The following NDUFA12 variants were observed in gnomAD, a reference collection of about 807,000 sequenced individuals.
The protein encoded by NDUFA12 is NADH dehydrogenase [ubiquinone] 1 alpha subcomplex subunit 12.
NDUFA12 carries 17 observed loss-of-function variants against 20.3 expected under a neutral mutation model. The ratio of observed to expected loss-of-function variants is 0.84; its 90% CI spans 0.57 to 1.26. The LOEUF is 1.26. Ranked by LOEUF, NDUFA12 falls within the 50% of genes most tolerant of loss-of-function variation. The pLI, the probability that NDUFA12 is intolerant of heterozygous loss-of-function variation, is 0.00. For missense variants in NDUFA12, 191 were observed against 183.7 expected (o/e 1.04, Z -0.23); for synonymous variants, 72 against 63.6 (o/e 1.13, Z -0.63).
At chr12:94,991,279 T>C (rs976977541) in intron 3 of NDUFA12, among the ~76,000 whole-genome samples, 3 of 151,508 alleles carry the variant, frequency 2.0e-5, no homozygotes, top group South Asian at 2.1e-4. Flanking sequence ...CTCAAAATAA[T>C]AATAATATTA....
rs1592708495 is a variant in NDUFA12, at chr12:95,003,527, C to G, written c.86+68G>C. ...TCTCCAAGGTGACCCGAGCCTGGGA[C>G]CCCTTCCAAGAAATCAGCCAGCGAA... On this transcript the variant is annotated intron_variant, in intron 1 of 3. Transcript: ENST00000327772. 3.0e-5 allele frequency: 45 copies of G among 1,512,488 alleles called. No individual in the cohort carries two copies. In the East Asian group the frequency reaches 1.0e-3, roughly 34 times the overall value. 93.7% of individuals were successfully genotyped at this position (1,512,488 alleles called of 1,614,324 possible). A position where few individuals can be genotyped will look rare whatever the true frequency, so the allele number is the denominator to read the frequency against.
intron 3 of NDUFA12, among the ~76,000 whole-genome samples, chr12:94,982,106 A>G (rs1242467906): frequency 6.6e-6 from 1 of 152,178 alleles, no homozygotes; most frequent in East Asian, 1.9e-4. Context: ...GAACAGACTC[A>G]TAAGACTATC....
chr12:94,982,457 A>C (rs1874276436), intron 3 of NDUFA12, among the ~76,000 whole-genome samples: 2 of 151,410 alleles, frequency 1.3e-5, no homozygotes, highest in South Asian at 2.1e-4. Context: ...TTTGTAGTTT[A>C]AGTGGAGACG....
At chr12:95,001,949 C>G (rs906145629) in intron 2 of NDUFA12, among the ~76,000 whole-genome samples, 1 of 151,910 alleles carries the variant, frequency 6.6e-6, no homozygotes, top group African/African-American at 2.4e-5. Context: ...GTGATCCGCC[C>G]GCCTCCGCCT....
At position 95,003,614 on chromosome 12, in the gene NDUFA12, A is replaced by T. The variant is rs759415380; in HGVS notation, c.67T>A (p.Tyr23Asn). 1 of 1,614,178 alleles carries T rather than the reference A, an allele frequency of 6.2e-7. No homozygotes were observed. The highest frequency in any genetic ancestry group is 8.5e-7 in the Non-Finnish European group (1 of 1,180,034). Residue 23 changes from tyrosine (Y) to asparagine (N), a missense_variant, in exon 1 of 4, where the codon TAT becomes AAT. By Grantham distance (143) the Tyr-to-Asn change is moderately radical. Coordinates refer to ENST00000327772, the MANE Select transcript of NDUFA12 (RefSeq NM_018838.5). ...QITGHGGLRG[Y>N]LRVFFRTNDA... ...GCCTACCTGAAAAAAACCCGTAGAT[A>T]GCCTCGGAGACCGCCGTGGCCGGTG...
Position 94,994,101 on chromosome 12 carries a change from G to A in NDUFA12, c.257+69C>T, listed in dbSNP as rs1592704750. ...ATCATGTCACTGCACTCCAGCCTGG[G>A]TGACAGAGTGAGACCCTGTCTCAAA... is the stretch of plus-strand genomic sequence containing the variant. On this transcript the variant is annotated intron_variant, in intron 3 of 3. Transcript: ENST00000327772. The A allele has an allele frequency of 2.9e-6, 4 of 1,397,318 alleles. No homozygotes were observed. In the East Asian group the frequency reaches 9.3e-5, roughly 32 times the overall value. The allele number at this position is 1,397,318 out of a possible 1,614,324, so 86.6% of individuals were successfully genotyped here. A position where few individuals can be genotyped will look rare whatever the true frequency, so the allele number is the denominator to read the frequency against.
At position 94,979,566 on chromosome 12, in the gene NDUFA12, T is replaced by C. The variant is rs1592699081; in HGVS notation, c.258-7946A>G. 2.0e-5 allele frequency among the ~76,000 whole-genome samples: 3 copies of C among 151,940 alleles called. No homozygotes were observed. In the East Asian group the frequency reaches 5.8e-4, roughly 30 times the overall value. ...TAAAAAGGGACGGGGTGAGGTGGCTTACACCTGTAATCCCAGCACTTTGGA... is the reference window on the plus strand; with the variant it reads ...TAAAAAGGGACGGGGTGAGGTGGCTCACACCTGTAATCCCAGCACTTTGGA... On this transcript the variant is annotated intron_variant, in intron 3 of 3. Transcript: ENST00000327772.
At chr12:94,997,601 T>C (rs954808497) in intron 2 of NDUFA12, among the ~76,000 whole-genome samples, 2 of 152,072 alleles carry the variant, frequency 1.3e-5, no homozygotes, top group African/African-American at 4.8e-5. Context: ...AAGGTACAGG[T>C]TGGGTATCTC....
At chr12:94,986,041 C>T (rs546843633) in intron 3 of NDUFA12, among the ~76,000 whole-genome samples, 49 of 151,820 alleles carry the variant, frequency 3.2e-4, no homozygotes, top group African/African-American at 1.2e-3. Context: ...GCTGGGATCA[C>T]GTCACTGCAT....
chr12:95,001,853 C>G (rs972205902), intron 2 of NDUFA12, among the ~76,000 whole-genome samples: 6 of 151,870 alleles, frequency 4.0e-5, no homozygotes, highest in Non-Finnish European at 8.8e-5. Flanking sequence ...TACAGGCACA[C>G]GCCACCACAT....
At position 94,971,426 on chromosome 12, in the gene NDUFA12, G is replaced by A; in HGVS notation, c.*14C>T. On this transcript the variant is annotated 3_prime_UTR_variant, in exon 4 of 4. Transcript: ENST00000327772. Reference sequence around the variant, plus strand: ...GCTCCATATTTTGCATGTTTCAACTGTTCTTCATTGTCTTTACTTGTAAGG... The same window carrying A: ...GCTCCATATTTTGCATGTTTCAACTATTCTTCATTGTCTTTACTTGTAAGG... 6.2e-7 allele frequency: 1 copy of A among 1,612,628 alleles called. No individual in the cohort carries two copies. Among genetic ancestry groups the A allele is most frequent in the Non-Finnish European group, 8.5e-7 (1 of 1,178,654 alleles).
intron 3 of NDUFA12, among the ~76,000 whole-genome samples, chr12:94,990,872 T>C (rs1565817282): frequency 6.6e-6 from 1 of 152,202 alleles, no homozygotes. Flanking sequence ...AGTACAAATA[T>C]GTTTTGCTTA....
At chr12:94,994,728 A>G (rs1012707497) in intron 2 of NDUFA12, among the ~76,000 whole-genome samples, 13 of 152,264 alleles carry the variant, frequency 8.5e-5, no homozygotes, top group African/African-American at 2.9e-4. Context: ...TGTGAATTAT[A>G]TACAATAAGC....
Position 94,974,502 on chromosome 12 carries a change from T to C in NDUFA12, c.258-2882A>G, listed in dbSNP as rs529364884. On this transcript the variant is annotated intron_variant, in intron 3 of 3. Coordinates refer to ENST00000327772, the MANE Select transcript of NDUFA12 (RefSeq NM_018838.5). ...AGCAATGATGCTGCTGGGTATAACC[T>C]AAATGAAAGGAAATCAGTATATCGA... is the stretch of plus-strand genomic sequence containing the variant. 4.6e-3 allele frequency among the ~76,000 whole-genome samples: 697 copies of C among 152,316 alleles called. 2 individuals carry two copies. Among genetic ancestry groups the C allele is most frequent in the Non-Finnish European group, 7.8e-3 (533 of 68,028 alleles).
intron 3 of NDUFA12, 66 bp downstream of exon 3, chr12:94,994,104 A>G (rs1874739483): frequency 1.4e-6 from 2 of 1,413,336 alleles, no homozygotes; most frequent in African/African-American, 2.8e-5. Flanking sequence ...AGCCTGGGTG[A>G]CAGAGTGAGA....
chr12:94,977,470 C>CA (rs11330323), intron 3 of NDUFA12, among the ~76,000 whole-genome samples: 50 of 145,994 alleles, frequency 3.4e-4, no homozygotes, highest in African/African-American at 1.2e-3. Flanking sequence ...GACCTTGTGT[C>CA]AAAAAAAAAA....
At chr12:94,989,596 T>G (rs1874568592) in intron 3 of NDUFA12, among the ~76,000 whole-genome samples, 1 of 152,158 alleles carries the variant, frequency 6.6e-6, no homozygotes, top group African/African-American at 2.4e-5. Flanking sequence ...CCCATACAAA[T>G]AAGGGTCATC....
chr12:94,993,826 C>T lies in NDUFA12; in HGVS notation c.257+344G>A, dbSNP rs188353435. Among the ~76,000 whole-genome samples, 42 of 151,618 alleles carry T rather than the reference C, an allele frequency of 2.8e-4. 2 individuals are homozygous for T. Among genetic ancestry groups the T allele is most frequent in the East Asian group, 2.1e-3 (11 of 5,160 alleles). On this transcript the variant is annotated intron_variant, in intron 3 of 3. Coordinates refer to ENST00000327772, the MANE Select transcript of NDUFA12 (RefSeq NM_018838.5). ...GCTCACACCTGTAGTCCCAGCTACT[C>T]GGGAGGCTAAGACAGGAGAATCGCT...
At chr12:94,988,159 A>G (rs1239530697) in intron 3 of NDUFA12, among the ~76,000 whole-genome samples, 1 of 152,196 alleles carries the variant, frequency 6.6e-6, no homozygotes, top group Non-Finnish European at 1.5e-5. Context: ...CGGAACTCTT[A>G]TATTAAATAA....
Sources: allele counts gnomAD v4.1 joint callset (sites outside exome capture counted in the v4.1 genomes callset), GRCh38; gene constraint gnomAD v4.1.1; transcripts MANE v1.5; gene names NCBI Gene and HGNC (gene_info 2026-07-23, HGNC 2026-07-21).